The following PEMT variants were observed in gnomAD, a reference collection of about 807,000 sequenced individuals.
PEMT encodes phospholipid methyltransferase.
PEMT carries 23 observed loss-of-function variants against 27.4 expected under a neutral mutation model. The ratio of observed to expected loss-of-function variants is 0.84; its 90% CI spans 0.60 to 1.19. The LOEUF (loss-of-function observed/expected upper bound fraction) is 1.19. Among genes scored for constraint, PEMT ranks in the 50% most tolerant of loss-of-function variants. The pLI, the probability that PEMT is intolerant of heterozygous loss-of-function variation, is 0.00. For synonymous variants in PEMT, 137 were observed against 139.1 expected (o/e 0.98, Z 0.11); for missense variants, 307 against 310.1 (o/e 0.99, Z 0.07).
intron 5 of PEMT, chr17:17,507,074 C>G: frequency 1.7e-6 from 2 of 1,198,200 alleles, no homozygotes; most frequent in Non-Finnish European, 2.4e-6. Flanking sequence ...AGCGGCAGCT[C>G]GTCAGTGACG....
At chr17:17,510,854 C>T (rs1452680921) in intron 4 of PEMT, among the ~76,000 whole-genome samples, 4 of 152,134 alleles carry the variant, frequency 2.6e-5, no homozygotes, top group Non-Finnish European at 4.4e-5. Context: ...CAGATCCACC[C>T]GAGCACTGGC....
At chr17:17,521,641 T>G (rs986564897) in intron 3 of PEMT, among the ~76,000 whole-genome samples, 2 of 152,024 alleles carry the variant, frequency 1.3e-5, no homozygotes. Context: ...CTCGGCTCAC[T>G]GCAACCTCCG....
At chr17:17,564,437 T>C (rs994895761) in intron 2 of PEMT, among the ~76,000 whole-genome samples, 1 of 152,030 alleles carries the variant, frequency 6.6e-6, no homozygotes. Context: ...TGGGAGATAA[T>C]TTACCTCCTT....
At chr17:17,571,713 T>TG (rs1199549933) in intron 2 of PEMT, among the ~76,000 whole-genome samples, 2 of 148,048 alleles carry the variant, frequency 1.4e-5, no homozygotes, top group Non-Finnish European at 3.0e-5. Context: ...TGTTTTGGGT[T>TG]TTTTTTTTTT....
intron 2 of PEMT, among the ~76,000 whole-genome samples, chr17:17,572,056 T>C (rs1439665054): frequency 6.6e-6 from 1 of 152,132 alleles, no homozygotes; most frequent in African/African-American, 2.4e-5. Context: ...AAAACCGAGC[T>C]CTTCCTCCAC....
chr17:17,526,433 A>G (rs1306669023), intron 2 of PEMT, among the ~76,000 whole-genome samples: 3 of 152,244 alleles, frequency 2.0e-5, no homozygotes, highest in East Asian at 1.9e-4. Flanking sequence ...CAGGACGGAC[A>G]GTACCCCCCA....
At chr17:17,581,120 C>G (rs562626442) in intron 1 of PEMT, among the ~76,000 whole-genome samples, 2 of 152,314 alleles carry the variant, frequency 1.3e-5, no homozygotes, top group Non-Finnish European at 2.9e-5. Flanking sequence ...GGCGCCCCTT[C>G]AACTCTACAG....
At chr17:17,522,914 T>C (rs1907389282) in intron 2 of PEMT, among the ~76,000 whole-genome samples, 2 of 152,304 alleles carry the variant, frequency 1.3e-5, no homozygotes, top group Non-Finnish European at 2.9e-5. Context: ...AGAAAACCCC[T>C]CACCCTCCTC....
At chr17:17,576,847 G>T (rs955908234) in intron 2 of PEMT, 73 bp downstream of exon 2, 17 of 1,240,568 alleles carry the variant, frequency 1.4e-5, no homozygotes, top group Non-Finnish European at 1.9e-5. Flanking sequence ...AGCAACCACC[G>T]CGATCCCCTG....
In PEMT at chr17:17,582,786, G is replaced by A. The variant is rs1027587408; in HGVS notation, c.97-5759C>T. ...TTCCTCTAAGTTTATTCTCTGGGCC[G>A]GGCGCGATGGCTCACCCCCGTAATC... On this transcript the variant is annotated intron_variant, in intron 1 of 6. Coordinates refer to ENST00000255389, the MANE Select transcript of PEMT (RefSeq NM_148172.3). The surrounding 1 kb of genome is among the most constrained non-coding windows in gnomAD (Gnocchi z 4.9). 1.1e-4 allele frequency among the ~76,000 whole-genome samples: 16 copies of A among 152,184 alleles called. No homozygotes were observed. Among genetic ancestry groups the A allele is most frequent in the African/African-American group, 3.4e-4 (14 of 41,450 alleles).
At chr17:17,528,719 C>T (rs748293033) in intron 2 of PEMT, among the ~76,000 whole-genome samples, 5 of 152,194 alleles carry the variant, frequency 3.3e-5, no homozygotes, top group African/African-American at 1.2e-4. Flanking sequence ...ACCTCAGAGG[C>T]GGTGGAGCCC....
intron 2 of PEMT, among the ~76,000 whole-genome samples, chr17:17,563,322 G>T (rs1289200152): frequency 2.6e-5 from 4 of 152,138 alleles, no homozygotes; most frequent in Non-Finnish European, 5.9e-5. Context: ...GTTGTTATTG[G>T]TGCCAGCCAT....
intron 2 of PEMT, among the ~76,000 whole-genome samples, chr17:17,545,820 T>G (rs73978972): frequency 0.028 from 4,308 of 152,314 alleles, 147 homozygotes; most frequent in East Asian, 0.099. Context: ...AGGCAGGATG[T>G]ACTGGAATCT....
intron 2 of PEMT, among the ~76,000 whole-genome samples, chr17:17,572,536 C>T (rs1219492796): frequency 6.6e-6 from 1 of 152,186 alleles, no homozygotes; most frequent in African/African-American, 2.4e-5. Flanking sequence ...ACCTGAGGGC[C>T]CTCCTGCATG....
chr17:17,573,566 G>T (rs1035961505), intron 2 of PEMT, among the ~76,000 whole-genome samples: 4 of 152,050 alleles, frequency 2.6e-5, no homozygotes, highest in Admixed American at 6.5e-5. Context: ...CACTGTCTTG[G>T]GTATGATAAG....
chr17:17,517,166 C>T, intron 3 of PEMT, among the ~76,000 whole-genome samples: 1 of 152,208 alleles, frequency 6.6e-6, no homozygotes. Context: ...ACCCAGCAGG[C>T]ACCTTGATTC....
chr17:17,519,416 C>T (rs70963018), intron 3 of PEMT, among the ~76,000 whole-genome samples: 2 of 152,306 alleles, frequency 1.3e-5, no homozygotes, highest in South Asian at 2.1e-4. Context: ...GTGAGGCCAA[C>T]GCTGATATGA....
intron 6 of PEMT, 80 bp downstream of exon 6, chr17:17,506,147 T>C: frequency 3.2e-6 from 4 of 1,246,426 alleles, no homozygotes; most frequent in Non-Finnish European, 4.5e-6. Context: ...GAGCCTGCCC[T>C]GGCCACAAGG....
At position 17,574,253 on chromosome 17, in the gene PEMT, A is replaced by C. The variant is rs548637893; in HGVS notation, c.204+2667T>G. 8.9e-3 allele frequency among the ~76,000 whole-genome samples: 1,287 copies of C among 143,894 alleles called. 31 individuals are homozygous for C. The highest frequency in any genetic ancestry group is 0.03 in the African/African-American group (1,194 of 39,790). The allele number at this position is 143,894 out of a possible 152,430, so 94.4% of individuals were successfully genotyped here. On this transcript the variant is annotated intron_variant, in intron 2 of 6. Coordinates refer to ENST00000255389, the MANE Select transcript of PEMT (RefSeq NM_148172.3). ...ATCAAAAGCTTATGACCAAAAAAAAAAAAAAAAAAAAACCGTATGCCAAAC... is the reference window on the plus strand; with the variant it reads ...ATCAAAAGCTTATGACCAAAAAAAACAAAAAAAAAAAACCGTATGCCAAAC...
Sources: gnomAD v4.1 joint callset for allele counts (sites outside exome capture counted in the v4.1 genomes callset) on GRCh38, gnomAD v4.1.1 for gene constraint, Gnocchi (gnomAD v3.1) non-coding constraint, MANE v1.5 for transcripts, NCBI Gene and HGNC (gene_info 2026-07-23, HGNC 2026-07-21) for gene names.